Variants in PLEC observed in about 807,000 individuals in gnomAD.
The protein encoded by PLEC is hemidesmosomal protein 1.
In PLEC, 216 loss-of-function variants were observed where a neutral mutation model predicts 392.8. The observed-to-expected ratio is 0.55, with a 90% CI of 0.49 to 0.62. The LOEUF is 0.62. PLEC is among the 20% of genes least tolerant of loss of function. PLEC has a pLI of 0.00. For synonymous variants in PLEC, 3,621 were observed against 2,980.6 expected, an observed-to-expected ratio of 1.21 and a Z score of -7.00; for missense variants, 6,863 against 6,563.4, an observed-to-expected ratio of 1.05 and a Z score of -1.58.
intron 1 of PLEC, chr8:143,945,210 G>A (rs1554731505): frequency 1.4e-5 from 7 of 489,454 alleles, no homozygotes; most frequent in Admixed American, 4.5e-5. Flanking sequence ...AAAGTCACGC[G>A]CAGGCCAGAG....
chr8:143,934,175 G>C (rs1398889800), intron 11 of PLEC, 84 bp from the exon 12 acceptor site: 3 of 1,583,564 alleles, frequency 1.9e-6, no homozygotes, highest in Admixed American at 1.7e-5. Context: ...CTCCCGCTCC[G>C]GTCTCCCTGG....
intron 25 of PLEC, among the ~76,000 whole-genome samples, chr8:143,928,423 T>G (rs1423304032): frequency 1.3e-5 from 2 of 151,942 alleles, no homozygotes; most frequent in African/African-American, 4.8e-5. Context: ...GTGCTGGTTC[T>G]GTGAGGAGTA....
intron 1 of PLEC, among the ~76,000 whole-genome samples, chr8:143,960,563 G>C (rs1245807665): frequency 6.6e-6 from 1 of 152,052 alleles, no homozygotes; most frequent in Non-Finnish European, 1.5e-5. Context: ...GTTGCAGTGA[G>C]CTGAGACTGC....
At chr8:143,950,425 G>A (rs782758868) in exon 1 of PLEC, 289 of 1,602,536 alleles carry the variant, frequency 1.8e-4, no homozygotes, top group Non-Finnish European at 2.3e-4. Flanking sequence ...GCAGAGAGGC[G>A]GGCACGATCT....
chr8:143,948,864 G>A lies in PLEC; in HGVS notation c.523+1320C>T, dbSNP rs543959239. On this transcript the variant is annotated intron_variant, in intron 1 of 31. Transcript: ENST00000322810. Reference sequence around the variant, plus strand: ...AATGACCGGGGAGTGGGTGGGCAGGGGTGCCGGGTGGGAGAGGACAGCAGG... The same window carrying A: ...AATGACCGGGGAGTGGGTGGGCAGGAGTGCCGGGTGGGAGAGGACAGCAGG... Among the ~76,000 whole-genome samples the A allele has an allele frequency of 2.8e-3, 429 of 152,374 alleles. 12 individuals carry two copies. Among genetic ancestry groups the A allele is most frequent in the Admixed American group, 0.028 (428 of 15,310 alleles).
rs782778503 is a variant in PLEC at position 143,917,482 on chromosome 8, C to G, written c.12339G>C (p.Gln4113His). The G allele has an allele frequency of 2.2e-5, 36 of 1,613,758 alleles. No individual in the cohort carries two copies. The highest frequency in any genetic ancestry group is 2.5e-5 in the Non-Finnish European group (30 of 1,180,042). The change falls in exon 32 of 32, where the codon CAG (glutamine) becomes CAC (histidine). Residue 4113 changes from glutamine to histidine, a missense_variant. Physicochemically the swap from Gln to His is conservative, Grantham distance 24 (BLOSUM62 0). Coordinates refer to ENST00000345136, the MANE Select transcript of PLEC (RefSeq NM_201384.3). Reference protein sequence around the residue: ...QLMERCITDPQTGLCLLPLKE... With the variant: ...QLMERCITDPHTGLCLLPLKE... ...TCAGCGGCAAGAGACACAGGCCCGT[C>G]TGGGGGTCAGTGATACAACGCTCCA...
chr8:143,926,860 T>C lies in PLEC; in HGVS notation c.3968A>G (p.Tyr1323Cys), dbSNP rs557438560. 8 of 1,613,506 alleles carry C rather than the reference T, an allele frequency of 5.0e-6. No homozygotes were observed. Among genetic ancestry groups the C allele is most frequent in the East Asian group, 2.2e-5 (1 of 44,886 alleles). The change falls in exon 30 of 32, where the codon TAC becomes TGC. Residue 1323 changes from tyrosine (Y) to cysteine (C), a missense_variant. Coordinates refer to ENST00000345136, the MANE Select transcript of PLEC (RefSeq NM_201384.3). The part of the protein sequence containing the change: ...IQEYVDLRTH[Y>C]SELTTLTSQY... ...GCTCGTCAGTGTGGTCAGCTCGCTG[T>C]AGTGCGTACGCAGGTCCACGTACTG...
At position 143,921,452 on chromosome 8, in the gene PLEC, T is replaced by C; in HGVS notation, c.8369A>G (p.Gln2790Arg). Residue 2790 changes from glutamine to arginine, a missense_variant, in exon 32 of 32, where the codon CAA becomes CGA. Physicochemically the swap from Gln to Arg is conservative, Grantham distance 43 (BLOSUM62 1). Transcript: ENST00000345136. ...GACGATGAGGCCCTTCTGCATGGCTTGGAAGAGAGAGATCTGCTGGCCAGT... is the reference window on the plus strand; with the variant it reads ...GACGATGAGGCCCTTCTGCATGGCTCGGAAGAGAGAGATCTGCTGGCCAGT... ...PYTGQQISLF[Q>R]AMQKGLIVRE... 6.2e-7 allele frequency: 1 copy of C among 1,613,226 alleles called. No homozygotes were observed. The highest frequency in any genetic ancestry group is 1.3e-5 in the African/African-American group (1 of 74,984).
chr8:143,952,102 C>T (rs1832215744), upstream of PLEC, among the ~76,000 whole-genome samples: 1 of 152,152 alleles, frequency 6.6e-6, no homozygotes, highest in Non-Finnish European at 1.5e-5. Flanking sequence ...CGCTGGCCAG[C>T]AGCCGGCAGG....
chr8:143,930,942 G>T (rs540859105), intron 19 of PLEC, among the ~76,000 whole-genome samples: 2 of 152,202 alleles, frequency 1.3e-5, no homozygotes, highest in South Asian at 4.1e-4. Context: ...CAGCCCTGCC[G>T]ACCTCAGAGG....
Position 143,921,175 on chromosome 8 carries a change from C to T in PLEC, c.8646G>A (p.Leu2882=). 6.2e-7 allele frequency: 1 copy of T among 1,613,884 alleles called. No homozygotes were observed. Among genetic ancestry groups the T allele is most frequent in the Non-Finnish European group, 8.5e-7 (1 of 1,180,050 alleles). ...VEDPETGLCL[L]PLTDKAAKGG... ...CCTTGGCAGCCTTATCCGTGAGTGG[C>T]AGAAGGCACAGGCCCGTCTCGGGGT... The change falls in exon 32 of 32, where the codon CTG becomes CTA. Residue 2882 remains leucine, a synonymous_variant. Coordinates refer to ENST00000345136, the MANE Select transcript of PLEC (RefSeq NM_201384.3).
chr8:143,924,379 C>T lies in PLEC; in HGVS notation c.5550G>A (p.Thr1850=), dbSNP rs782693268. ...TCTCCTTGAGCGCGATCTCCGCCTC[C>T]GTCTTGAGCCGCGTGGCCTCGCCGA... The part of the protein sequence containing the change: ...AAIGEATRLK[T]EAEIALKEKE... Residue 1850 remains threonine (T), a synonymous_variant, in exon 31 of 32, where the codon ACG becomes ACA. Coordinates refer to ENST00000345136, the MANE Select transcript of PLEC (RefSeq NM_201384.3). 6.2e-5 allele frequency: 99 copies of T among 1,596,086 alleles called. No individual in the cohort carries two copies. The highest frequency in any genetic ancestry group is 2.8e-4 in the South Asian group (25 of 90,884).
Position 143,937,199 on chromosome 8 carries a change from A to G in PLEC, c.308T>C (p.Val103Ala), listed in dbSNP as rs374120652. 9.3e-6 allele frequency: 15 copies of G among 1,612,566 alleles called. No homozygotes were observed. Among genetic ancestry groups the G allele is most frequent in the African/African-American group, 1.3e-5 (1 of 74,870 alleles). ...GRMRFHKLQNVQIALDYLRHR... is the reference protein window; with the variant it reads ...GRMRFHKLQNAQIALDYLRHR... ...CCGGAGGTAGTCCAGGGCAATCTGG[A>G]CATTCTGCAGCTTGTGGAAACGCAT... The change falls in exon 4 of 32, where the codon GTC becomes GCC. Residue 103 changes from valine (V) to alanine (A), a missense_variant. By Grantham distance (64) the Val-to-Ala change is moderately conservative. Transcript: ENST00000345136.
Position 143,918,073 on chromosome 8 carries a change from G to A in PLEC, c.11748C>T (p.Thr3916=), listed in dbSNP as rs1554673883. 3.8e-6 allele frequency: 6 copies of A among 1,599,798 alleles called. No individual in the cohort carries two copies. Among genetic ancestry groups the A allele is most frequent in the East Asian group, 4.5e-5 (2 of 44,454 alleles). The change falls in exon 32 of 32, where the codon ACC becomes ACT. Residue 3916 remains threonine, a synonymous_variant. Coordinates refer to ENST00000345136, the MANE Select transcript of PLEC (RefSeq NM_201384.3). ...AGTTCTTGGTGACCTCCTCGATGGA[G>A]GTCAGGCCCTCCCGCAGCTGCAGCG... The part of the protein sequence containing the change: ...ATALQLREGL[T]SIEEVTKNLQ...
chr8:143,938,501 T>C, intron 2 of PLEC, 130 bp downstream of exon 2: 1 of 1,563,668 alleles, frequency 6.4e-7, no homozygotes, highest in Non-Finnish European at 8.7e-7. Flanking sequence ...GGACAGAAAA[T>C]AACAGGTTTC....
Position 143,925,843 on chromosome 8 carries a change from C to T in PLEC, c.4086G>A (p.Leu1362=). Residue 1362 remains leucine, a synonymous_variant, in exon 31 of 32, where the codon CTG becomes CTA. Transcript: ENST00000345136. ...EQQRAEERER[L]AEVEAALEKQ... ...TCTCCAGCGCGGCCTCCACCTCGGC[C>T]AGCCGCTCGCGCTCCTCTGCCCGCT... The T allele has an allele frequency of 6.4e-7, 1 of 1,551,262 alleles. No individual in the cohort carries two copies. The highest frequency in any genetic ancestry group is 8.7e-7 in the Non-Finnish European group (1 of 1,155,422).
chr8:143,970,288 T>C (rs1293743398), intron 1 of PLEC, among the ~76,000 whole-genome samples: 2 of 141,946 alleles, frequency 1.4e-5, no homozygotes, highest in Non-Finnish European at 3.1e-5. Context: ...CTGTCAAAAG[T>C]AAAACGCTCC....
chr8:143,932,697 C>A lies in PLEC; in HGVS notation c.1753G>T (p.Ala585Ser), dbSNP rs368520468. The change falls in exon 15 of 32, where the codon GCC (alanine) becomes TCC (serine). Residue 585 changes from alanine to serine, a missense_variant. Ala to Ser is a moderately conservative substitution (Grantham distance 99). Transcript: ENST00000345136. ...ARSDEGQLSPATRGAYRDCLG... is the reference protein window; with the variant it reads ...ARSDEGQLSPSTRGAYRDCLG... ...CAGTCACGGTAGGCACCCCGGGTGG[C>A]GGGGGAGAGCTGGCCCTGCAACAGA... 1.2e-5 allele frequency: 20 copies of A among 1,606,820 alleles called. No individual in the cohort carries two copies. In the East Asian group the frequency reaches 4.5e-4, roughly 36 times the overall value.
At position 143,918,567 on chromosome 8, in the gene PLEC, G is replaced by C. The variant is rs782037832; in HGVS notation, c.11254C>G (p.Leu3752Val). 2 of 1,611,518 alleles carry C rather than the reference G, an allele frequency of 1.2e-6. No homozygotes were observed. Among genetic ancestry groups the C allele is most frequent in the Non-Finnish European group, 1.7e-6 (2 of 1,179,684 alleles). ...LTVDEAVRKG[L>V]VGPELHDRLL... ...CGGTCGTGCAGCTCGGGCCCCACGA[G>C]GCCCTTCCGCACAGCCTCATCCACA... is the stretch of plus-strand genomic sequence containing the variant. Residue 3752 changes from leucine (L) to valine (V), a missense_variant, in exon 32 of 32, where the codon CTC becomes GTC. Transcript: ENST00000345136.
Sources: allele counts gnomAD v4.1 joint callset (sites outside exome capture counted in the v4.1 genomes callset), GRCh38; gene constraint gnomAD v4.1.1; transcripts MANE v1.5; gene names NCBI Gene and HGNC (gene_info 2026-07-23, HGNC 2026-07-21).